Variants in RUFY4 observed in about 807,000 individuals in gnomAD.
RUFY4 encodes the protein RUN and FYVE domain-containing protein 4.
Under a neutral mutation model 69.0 loss-of-function variants are expected in RUFY4, and 73 were observed. The observed-to-expected ratio is 1.06, with a 90% CI of 0.88 to 1.29. RUFY4 has a LOEUF of 1.29. Among genes scored for constraint, RUFY4 ranks in the 50% most tolerant of loss-of-function variants. The pLI, the probability that RUFY4 is intolerant of heterozygous loss-of-function variation, is 0.00. For missense variants in RUFY4, 770 were observed against 705.6 expected, an observed-to-expected ratio of 1.09 and a Z score of -1.03; for synonymous variants, 287 against 271.8, an observed-to-expected ratio of 1.06 and a Z score of -0.55.
chr2:218,061,344 CTG>C lies in RUFY4; in HGVS notation c.-1071+2665_-1071+2666del, dbSNP rs949717152. On this transcript the variant is annotated intron_variant and NMD_transcript_variant, in intron 3 of 13. Coordinates refer to the RUFY4 transcript ENST00000457754. ...AAAAGGGGTAGGGTCATAGCTGAAA[CTG>C]TAATTACTAAAATCTCCACTGAAGA... 29 of 242,908 alleles carry C rather than the reference CTG, an allele frequency of 1.2e-4. No homozygotes were observed. The South Asian group carries it at 1.3e-3, about 11-fold the overall frequency. 15.0% of individuals were successfully genotyped at this position (242,908 alleles called of 1,614,324 possible). A position where few individuals can be genotyped will look rare whatever the true frequency, so the allele number is the denominator to read the frequency against.
At chr2:218,039,398 A>T (rs990441448) in intron 2 of RUFY4, among the ~76,000 whole-genome samples, 1 of 152,240 alleles carries the variant, frequency 6.6e-6, no homozygotes, top group Non-Finnish European at 1.5e-5. Flanking sequence ...CACATGGTCC[A>T]TGAATCACAG....
exon 4 of RUFY4, chr2:218,072,828 C>T (rs1401659558): frequency 6.5e-7 from 1 of 1,536,392 alleles, no homozygotes; most frequent in Non-Finnish European, 8.7e-7. Flanking sequence ...TTCTGCCTGG[C>T]CCGTGGGCAG....
intron 8 of RUFY4, among the ~76,000 whole-genome samples, chr2:218,078,225 A>G (rs1434929623): frequency 6.6e-6 from 1 of 152,260 alleles, no homozygotes; most frequent in Non-Finnish European, 1.5e-5. Context: ...CATAAAGCAG[A>G]CAAGAGGAAT....
chr2:218,060,178 T>C, intron 3 of RUFY4: 1 of 590,274 alleles, frequency 1.7e-6, no homozygotes. Context: ...TTCTAAATCA[T>C]GCAAGGGAAA....
At chr2:218,075,382 G>A in exon 7 of RUFY4, 1 of 1,613,340 alleles carries the variant, frequency 6.2e-7, no homozygotes. Flanking sequence ...AGCACCCAGG[G>A]ACAGGGGAAG....
At chr2:218,039,675 G>A (rs932991652) in intron 2 of RUFY4, among the ~76,000 whole-genome samples, 10 of 152,206 alleles carry the variant, frequency 6.6e-5, no homozygotes, top group Admixed American at 2.0e-4. Context: ...CCATTACTGA[G>A]ATGGGGGGAG....
chr2:218,085,936 C>A (rs1689884867), intron 9 of RUFY4, among the ~76,000 whole-genome samples: 1 of 151,976 alleles, frequency 6.6e-6, no homozygotes, highest in Non-Finnish European at 1.5e-5. Flanking sequence ...AAAATGACAA[C>A]CAAGGATCCC....
intron 3 of RUFY4, among the ~76,000 whole-genome samples, chr2:218,063,100 G>A (rs1689239962): frequency 6.6e-6 from 1 of 152,176 alleles, no homozygotes; most frequent in Non-Finnish European, 1.5e-5. Flanking sequence ...AGGGTGGGCT[G>A]AAGCCATTCA....
At chr2:218,039,763 G>A (rs1002858405) in intron 2 of RUFY4, among the ~76,000 whole-genome samples, 2 of 152,206 alleles carry the variant, frequency 1.3e-5, no homozygotes, top group South Asian at 2.1e-4. Context: ...CCAGACTCTG[G>A]GAGTGGCCTA....
upstream of RUFY4, among the ~76,000 whole-genome samples, chr2:218,064,757 C>T (rs543287108): frequency 3.3e-5 from 5 of 152,056 alleles, no homozygotes; most frequent in African/African-American, 1.2e-4. Flanking sequence ...AGTCCCTGTG[C>T]CCAAAGACCC....
upstream of RUFY4, among the ~76,000 whole-genome samples, chr2:218,069,717 A>G (rs549656094): frequency 1.5e-3 from 225 of 151,854 alleles, 1 homozygote; most frequent in African/African-American, 4.9e-3. Flanking sequence ...ACTGTGTCCC[A>G]CTGCTGTACC....
upstream of RUFY4, among the ~76,000 whole-genome samples, chr2:218,066,236 C>T (rs529581848): frequency 5.8e-5 from 8 of 137,240 alleles, no homozygotes; most frequent in East Asian, 1.3e-3. Context: ...CAGGCTGGAG[C>T]GCAGTGGCAC....
chr2:218,040,871 G>A (rs62182259), intron 2 of RUFY4, among the ~76,000 whole-genome samples: 24,770 of 151,774 alleles, frequency 0.16, 2,204 homozygotes, highest in East Asian at 0.34. Flanking sequence ...ATAGGGGTAC[G>A]AGACCCCACT....
At chr2:218,079,031 C>A (rs1689700477) in intron 8 of RUFY4, among the ~76,000 whole-genome samples, 1 of 152,150 alleles carries the variant, frequency 6.6e-6, no homozygotes, top group Non-Finnish European at 1.5e-5. Flanking sequence ...CCACGCCCAG[C>A]TAATTTTTTG....
At chr2:218,073,504 G>T (rs1689546697) in intron 5 of RUFY4, 118 bp downstream of exon 7, 12 of 1,378,540 alleles carry the variant, frequency 8.7e-6, no homozygotes, top group Non-Finnish European at 1.1e-5. Context: ...GCCTCCTTTT[G>T]CTCCATGCCT....
At chr2:218,059,723 T>C (rs912181682) in intron 3 of RUFY4, 1 of 166,814 alleles carries the variant, frequency 6.0e-6, no homozygotes, top group African/African-American at 2.4e-5. Context: ...CATTCATTCA[T>C]TGATGAACAT....
chr2:218,058,099 A>G (rs1689102084), intron 2 of RUFY4, among the ~76,000 whole-genome samples: 1 of 152,166 alleles, frequency 6.6e-6, no homozygotes, highest in African/African-American at 2.4e-5. Flanking sequence ...GCTTGTACCT[A>G]TTTATCTACT....
chr2:218,048,096 C>T (rs1207474803), intron 2 of RUFY4, among the ~76,000 whole-genome samples: 1 of 152,182 alleles, frequency 6.6e-6, no homozygotes, highest in Non-Finnish European at 1.5e-5. Context: ...ATAAGCGTTC[C>T]TTTTTCTCTG....
rs774950213 is a variant in RUFY4 at position 218,060,220 on chromosome 2, C to T, written c.-1071+1539C>T. On this transcript the variant is annotated intron_variant and NMD_transcript_variant, in intron 3 of 13. Coordinates refer to the RUFY4 transcript ENST00000457754. The stretch of plus-strand genomic sequence containing the variant: ...AGAACGTGGCCTCCTCTGCTTCCTG[C>T]GACCACAGTGGGGGCTGCACTGACA... 214 of 961,028 alleles carry T rather than the reference C, an allele frequency of 2.2e-4. 1 individual carries two copies. In the Middle Eastern group the frequency reaches 4.2e-3, roughly 19 times the overall value. 59.5% of individuals were successfully genotyped at this position (961,028 alleles called of 1,614,324 possible).
Sources: gnomAD v4.1 joint callset for allele counts (sites outside exome capture counted in the v4.1 genomes callset) on GRCh38, gnomAD v4.1.1 for gene constraint, MANE v1.5 for transcripts, NCBI Gene and HGNC (gene_info 2026-07-23, HGNC 2026-07-21) for gene names.